The following LINS1 variants were observed in gnomAD, a reference collection of about 807,000 sequenced individuals.
LINS1 encodes the protein protein Lines homolog 1.
Under a neutral mutation model 41.6 loss-of-function variants are expected in LINS1, and 27 were observed. That is an observed-to-expected ratio of 0.65 (90% confidence interval 0.48 to 0.89). The LOEUF is 0.89. LINS1 is among the 40% of genes least tolerant of loss of function. The pLI is 0.00. For missense variants in LINS1, 955 were observed against 884.1 expected (o/e 1.08, Z -1.02); for synonymous variants, 336 against 312.9 (o/e 1.07, Z -0.78).
At chr15:100,570,752 T>G (rs2037779705) in intron 6 of LINS1, 1 of 152,242 alleles carries the variant, frequency 6.6e-6, no homozygotes, top group African/African-American at 2.4e-5. Context: ...ACTTGACCCT[T>G]TAGAATTCCC....
intron 3 of LINS1, among the ~76,000 whole-genome samples, chr15:100,576,252 G>C (rs1395987787): frequency 1.3e-5 from 2 of 152,214 alleles, no homozygotes; most frequent in East Asian, 3.9e-4. Context: ...TTTTTGAAAA[G>C]ACCAACAAAA....
rs749089975 is a variant in LINS1 at position 100,574,093 on chromosome 15, G to T, written c.780C>A (p.Ile260=). The change falls in exon 5 of 7, where the codon ATC becomes ATA. Residue 260 remains isoleucine, a synonymous_variant. Transcript: ENST00000314742. ...MCFLDLLELL[I]ASRIHLKLHF... is the part of the protein sequence containing the mutation. Reference sequence around the variant, plus strand: ...GTAACTTCAGGTGGATTCTGGAGGCGATGAGAAGCTCAAGCAAATCCAGGA... The same window carrying T: ...GTAACTTCAGGTGGATTCTGGAGGCTATGAGAAGCTCAAGCAAATCCAGGA... 1.2e-5 allele frequency: 20 copies of T among 1,614,172 alleles called. No individual in the cohort carries two copies. The highest frequency in any genetic ancestry group is 1.5e-5 in the Non-Finnish European group (18 of 1,180,004).
intron 1 of LINS1, among the ~76,000 whole-genome samples, chr15:100,600,560 A>AAAAAAAAAAAAAAAAAAC (rs2039440983): frequency 1.7e-5 from 2 of 114,436 alleles, no homozygotes; most frequent in African/African-American, 5.4e-5. Context: ...GCAAAAAAAA[A>AAAAAAAAAAAAAAAAAAC]AAAAAAAAAA....
At chr15:100,583,931 CAG>C (rs1045631832) in intron 1 of LINS1, among the ~76,000 whole-genome samples, 1 of 151,184 alleles carries the variant, frequency 6.6e-6, no homozygotes, top group African/African-American at 2.4e-5. Flanking sequence ...CACTATAAGA[CAG>C]AATATTTTGT....
rs1366073607 is a variant in LINS1, at chr15:100,570,452, C to A, written c.1395-335G>T. 2.4e-5 allele frequency: 5 copies of A among 206,972 alleles called. 1 individual carries two copies. Among genetic ancestry groups the A allele is most frequent in the Non-Finnish European group, 5.0e-5 (5 of 100,952 alleles). 12.8% of individuals were successfully genotyped at this position (206,972 alleles called of 1,614,324 possible). On this transcript the variant is annotated intron_variant, in intron 6 of 6. Transcript: ENST00000314742. The stretch of plus-strand genomic sequence containing the variant: ...TAATTCCTAAACCTCCTTCCTTACC[C>A]TCAACAAGGGTGGGCATGTGACCCA...
In LINS1 at chr15:100,569,142, A is replaced by AAT; in HGVS notation, c.*95_*96insAT. 5 of 802,214 alleles carry AAT rather than the reference A, an allele frequency of 6.2e-6. No individual in the cohort carries two copies. Among genetic ancestry groups the AAT allele is most frequent in the Non-Finnish European group, 9.9e-6 (5 of 505,812 alleles). The allele number at this position is 802,214 out of a possible 1,614,324, so 49.7% of individuals were successfully genotyped here. A position where few individuals can be genotyped will look rare whatever the true frequency, so the allele number is the denominator to read the frequency against. On this transcript the variant is annotated 3_prime_UTR_variant, in exon 7 of 7. Coordinates refer to ENST00000314742, the MANE Select transcript of LINS1 (RefSeq NM_001040616.3). ...TGTCTCAAAAAAAAAAAAAAAAAAG[A>AAT]AAACCCTTTTATGGTGATGATTTTA...
rs181438187 is a variant in LINS1, at chr15:100,599,521, T to C, written c.-104+2600A>G. Among the ~76,000 whole-genome samples, 356 of 152,324 alleles carry C rather than the reference T, an allele frequency of 2.3e-3. 2 individuals carry two copies. The highest frequency in any genetic ancestry group is 3.4e-3 in the Middle Eastern group (1 of 294). Reference sequence around the variant, plus strand: ...ACTAGGAATTAGGAGACAACTCTGTTTCTAGGCTCTTCACCAACAAGTTCT... The same window carrying C: ...ACTAGGAATTAGGAGACAACTCTGTCTCTAGGCTCTTCACCAACAAGTTCT... On this transcript the variant is annotated intron_variant, in intron 1 of 6. Transcript: ENST00000314742.
chr15:100,587,209 A>C (rs1328191547), intron 1 of LINS1, among the ~76,000 whole-genome samples: 1 of 145,478 alleles, frequency 6.9e-6, no homozygotes, highest in Non-Finnish European at 1.5e-5. Context: ...ATTCTTTAAT[A>C]TAGTTAAGCC....
At position 100,569,433 on chromosome 15, in the gene LINS1, A is replaced by C. The variant is rs767826837; in HGVS notation, c.2079T>G (p.Phe693Leu). The change falls in exon 7 of 7, where the codon TTT becomes TTG. Residue 693 changes from phenylalanine (F) to leucine (L), a missense_variant. Coordinates refer to ENST00000314742, the MANE Select transcript of LINS1 (RefSeq NM_001040616.3). ...VLKEFDTAFS[F>L]DCEVAPNDVV... ...CATCATTTGGGGCTACTTCACAATC[A>C]AAGGAGAAGGCAGTATCAAATTCTT... The C allele has an allele frequency of 1.6e-5, 26 of 1,614,190 alleles. No individual in the cohort carries two copies. Among genetic ancestry groups the C allele is most frequent in the Non-Finnish European group, 2.1e-5 (25 of 1,180,024 alleles).
At chr15:100,577,339 C>T (rs2038246142) in intron 3 of LINS1, among the ~76,000 whole-genome samples, 1 of 152,218 alleles carries the variant, frequency 6.6e-6, no homozygotes, top group African/African-American at 2.4e-5. Flanking sequence ...TCTCAGGATA[C>T]AAAATCAATG....
At position 100,574,023 on chromosome 15, in the gene LINS1, G is replaced by C. The variant is rs906827133; in HGVS notation, c.850C>G (p.Leu284Val). 11 of 1,613,884 alleles carry C rather than the reference G, an allele frequency of 6.8e-6. No homozygotes were observed. The highest frequency in any genetic ancestry group is 7.6e-6 in the Non-Finnish European group (9 of 1,179,890). The change falls in exon 5 of 7, where the codon CTA (leucine) becomes GTA (valine). Residue 284 changes from leucine (L) to valine (V), a missense_variant. Physicochemically the swap from Leu to Val is conservative, Grantham distance 32. Transcript: ENST00000314742. ...RILFLKPSCM[L>V]EVITWPIQAF... ...TGAATAGGCCAGGTAATAACTTCTA[G>C]CATGCAAGATGGTTTCAAAAATAAA... is the stretch of plus-strand genomic sequence containing the variant.
intron 1 of LINS1, among the ~76,000 whole-genome samples, chr15:100,596,034 C>T (rs889097095): frequency 3.3e-5 from 5 of 152,192 alleles, no homozygotes; most frequent in African/African-American, 4.8e-5. Context: ...AGTATCTTCC[C>T]TTTAGTTCCA....
intron 1 of LINS1, among the ~76,000 whole-genome samples, chr15:100,583,328 C>T (rs2038655312): frequency 6.6e-6 from 1 of 152,254 alleles, no homozygotes; most frequent in African/African-American, 2.4e-5. Flanking sequence ...GGCTTCTTCC[C>T]CTGATTTAGC....
chr15:100,586,461 T>A (rs1264160574), intron 1 of LINS1: 1 of 152,232 alleles, frequency 6.6e-6, no homozygotes, highest in East Asian at 1.9e-4. Context: ...AGGATTGTGA[T>A]ATGGGGAAGT....
chr15:100,592,612 A>AC (rs2039086557), intron 1 of LINS1, among the ~76,000 whole-genome samples: 1 of 152,120 alleles, frequency 6.6e-6, no homozygotes, highest in Non-Finnish European at 1.5e-5. Flanking sequence ...ACTGCCTTTT[A>AC]CCTTTAGTGC....
rs537882414 is a variant in LINS1, at chr15:100,574,449, T to C, written c.632-208A>G. ...ATGGCTGGGTGTGGTGGCTCACAAC[T>C]GTAATCCCAGCACTTCGGGAGGCCG... On this transcript the variant is annotated intron_variant, in intron 4 of 6. Transcript: ENST00000314742. Among the ~76,000 whole-genome samples the C allele has an allele frequency of 2.0e-5, 3 of 152,376 alleles. No individual in the cohort carries two copies. The South Asian group carries it at 6.2e-4, about 32-fold the overall frequency.
Position 100,574,972 on chromosome 15 carries a change from C to A in LINS1, c.631+15G>T. 1 of 1,610,710 alleles carries A rather than the reference C, an allele frequency of 6.2e-7. No individual in the cohort carries two copies. The highest frequency in any genetic ancestry group is 8.5e-7 in the Non-Finnish European group (1 of 1,178,538). ...AGCAAGATGATGATTGTTTATGGGG[C>A]CATGTAATCCATACCTGTTTTCTGT... On this transcript the variant is annotated intron_variant, in intron 4 of 6. Transcript: ENST00000314742.
rs529919199 is a variant in LINS1 at position 100,594,002 on chromosome 15, T to C, written c.-104+8119A>G. 1.8e-4 allele frequency among the ~76,000 whole-genome samples: 28 copies of C among 152,300 alleles called. No individual in the cohort carries two copies. In the East Asian group the frequency reaches 3.7e-3, roughly 20 times the overall value. ...TTGTATAGTCACCCCTCGGTATCTG[T>C]GGGGGATTGGTTCCAAAACCCACCA... On this transcript the variant is annotated intron_variant, in intron 1 of 6. Transcript: ENST00000314742.
At chr15:100,587,369 A>C (rs1048465586) in intron 1 of LINS1, among the ~76,000 whole-genome samples, 1 of 152,060 alleles carries the variant, frequency 6.6e-6, no homozygotes, top group Non-Finnish European at 1.5e-5. Context: ...CAGGATGTAT[A>C]ATGATATTGG....
Sources: gnomAD v4.1 joint callset for allele counts (sites outside exome capture counted in the v4.1 genomes callset) on GRCh38, gnomAD v4.1.1 for gene constraint, MANE v1.5 for transcripts, NCBI Gene and HGNC (gene_info 2026-07-23, HGNC 2026-07-21) for gene names.